CNTNAP2: variants seen among roughly 807,000 people sequenced by gnomAD.
CNTNAP2 encodes the protein contactin-associated protein-like 2.
Under a neutral mutation model 155.2 loss-of-function variants are expected in CNTNAP2, and 98 were observed. The ratio of observed to expected loss-of-function variants is 0.63; its 90% CI spans 0.54 to 0.75. CNTNAP2 has a LOEUF of 0.75. Ranked by LOEUF, CNTNAP2 falls within the 30% of genes least tolerant of loss-of-function variation. CNTNAP2 has a pLI of 0.00. For synonymous variants in CNTNAP2, 651 were observed against 631.2 expected, an observed-to-expected ratio of 1.03 and a Z score of -0.47; for missense variants, 1,727 against 1,688.1, an observed-to-expected ratio of 1.02 and a Z score of -0.40.
chr7:146,416,470 TA>T (rs1795940138), intron 1 of CNTNAP2, among the ~76,000 whole-genome samples: 1 of 152,094 alleles, frequency 6.6e-6, no homozygotes, highest in African/African-American at 2.4e-5. Context: ...TGGCACATTA[TA>T]ACCAGGAGCT....
chr7:146,220,288 T>TA lies in CNTNAP2; in HGVS notation c.97+103326dup, dbSNP rs11364418. Reference sequence around the variant, plus strand: ...TCTTGAAGTATTGGGGAATGCATGCTAAAAAAAAAAATCACTAGTTTTCAA... The same window carrying TA: ...TCTTGAAGTATTGGGGAATGCATGCTAAAAAAAAAAAATCACTAGTTTTCAA... On this transcript the variant is annotated intron_variant, in intron 1 of 23. Transcript: ENST00000361727. 9.6e-3 allele frequency among the ~76,000 whole-genome samples: 1,458 copies of TA among 151,396 alleles called. 24 individuals are homozygous for TA. Among genetic ancestry groups the TA allele is most frequent in the African/African-American group, 0.033 (1,374 of 41,288 alleles).
chr7:147,689,108 A>ATG (rs112539407), intron 13 of CNTNAP2, among the ~76,000 whole-genome samples: 2,439 of 148,476 alleles, frequency 0.016, 216 homozygotes, highest in Admixed American at 0.15. Context: ...GTATTACAGG[A>ATG]TTTTTTTTTT....
At chr7:147,610,715 ACAGGAG>A (rs1271750417) in intron 12 of CNTNAP2, among the ~76,000 whole-genome samples, 1 of 152,048 alleles carries the variant, frequency 6.6e-6, no homozygotes, top group Non-Finnish European at 1.5e-5. Flanking sequence ...ACGTCCTAAA[ACAGGAG>A]CATCTGGCAT....
intron 21 of CNTNAP2, among the ~76,000 whole-genome samples, chr7:148,346,456 T>C (rs1277999604): frequency 6.6e-6 from 1 of 152,208 alleles, no homozygotes; most frequent in Non-Finnish European, 1.5e-5. Context: ...GGTGCAGTAA[T>C]GATTGCGATT....
chr7:147,356,512 A>T (rs1796063761), intron 9 of CNTNAP2, among the ~76,000 whole-genome samples: 1 of 152,130 alleles, frequency 6.6e-6, no homozygotes, highest in African/African-American at 2.4e-5. Flanking sequence ...AGATGACATG[A>T]TTATACATTT....
intron 2 of CNTNAP2, among the ~76,000 whole-genome samples, chr7:146,780,135 C>G (rs551967276): frequency 6.6e-5 from 10 of 152,202 alleles, no homozygotes; most frequent in African/African-American, 2.4e-4. Flanking sequence ...CTCCTACCAA[C>G]AGTGTAAAAG....
intron 1 of CNTNAP2, among the ~76,000 whole-genome samples, chr7:146,353,125 A>G (rs1009502535): frequency 3.3e-5 from 5 of 152,102 alleles, no homozygotes; most frequent in Admixed American, 3.3e-4. Context: ...CTATGGTTTT[A>G]ATTTTTCTTG....
At chr7:146,408,610 C>T (rs1490967092) in intron 1 of CNTNAP2, among the ~76,000 whole-genome samples, 2 of 122,234 alleles carry the variant, frequency 1.6e-5, no homozygotes, top group Non-Finnish European at 3.3e-5. Flanking sequence ...ACATCACACA[C>T]CAGGGCCTGT....
At chr7:146,735,263 T>C (rs1478416905) in intron 1 of CNTNAP2, among the ~76,000 whole-genome samples, 3 of 152,138 alleles carry the variant, frequency 2.0e-5, no homozygotes, top group Non-Finnish European at 2.9e-5. Flanking sequence ...TTTAAAAACT[T>C]AGTTTGTGGC....
intron 1 of CNTNAP2, among the ~76,000 whole-genome samples, chr7:146,217,963 A>G (rs907747793): frequency 2.6e-5 from 4 of 152,214 alleles, no homozygotes; most frequent in African/African-American, 9.7e-5. Flanking sequence ...AGGTTTACCT[A>G]TGTAACACAC....
intron 15 of CNTNAP2, among the ~76,000 whole-genome samples, chr7:148,032,457 G>A (rs536667266): frequency 1.4e-4 from 22 of 152,266 alleles, no homozygotes; most frequent in South Asian, 2.1e-4. Context: ...AGGAGCTACC[G>A]TGCTGGAGCC....
intron 21 of CNTNAP2, among the ~76,000 whole-genome samples, chr7:148,345,100 C>A (rs1281652898): frequency 6.6e-6 from 1 of 152,206 alleles, no homozygotes; most frequent in East Asian, 1.9e-4. Flanking sequence ...TCACTCAGAA[C>A]AGCAGCAGGA....
intron 5 of CNTNAP2, among the ~76,000 whole-genome samples, chr7:147,117,299 A>C (rs1304636343): frequency 2.0e-5 from 3 of 152,082 alleles, no homozygotes; most frequent in Non-Finnish European, 4.4e-5. Context: ...ATGGGCTCAC[A>C]AGATCTCCTA....
intron 21 of CNTNAP2, among the ~76,000 whole-genome samples, chr7:148,359,086 T>C (rs1292119056): frequency 6.6e-6 from 1 of 152,252 alleles, no homozygotes; most frequent in Non-Finnish European, 1.5e-5. Context: ...TACCTGTAGA[T>C]ACACAAATAC....
At chr7:147,366,930 T>C (rs1340595705) in intron 9 of CNTNAP2, among the ~76,000 whole-genome samples, 1 of 152,160 alleles carries the variant, frequency 6.6e-6, no homozygotes, top group Admixed American at 6.5e-5. Flanking sequence ...GTTCCATATT[T>C]TCTGGAGCGG....
At chr7:146,721,040 TTC>T (rs200746067) in intron 1 of CNTNAP2, among the ~76,000 whole-genome samples, 3 of 121,644 alleles carry the variant, frequency 2.5e-5, no homozygotes, top group African/African-American at 1.0e-4. Context: ...ACTCTATATA[TTC>T]TATATATATA....
intron 1 of CNTNAP2, among the ~76,000 whole-genome samples, chr7:146,140,824 A>G (rs2116756402): frequency 6.6e-6 from 1 of 152,170 alleles, no homozygotes; most frequent in South Asian, 2.1e-4. Context: ...AATATTTTGG[A>G]AATTTACTGT....
chr7:146,672,166 G>A (rs191385884), intron 1 of CNTNAP2, among the ~76,000 whole-genome samples: 128 of 152,210 alleles, frequency 8.4e-4, no homozygotes, highest in Admixed American at 2.1e-3. Flanking sequence ...ACACCCATCA[G>A]AGATGCTCTC....
At chr7:146,385,451 T>A (rs564702758) in intron 1 of CNTNAP2, among the ~76,000 whole-genome samples, 1 of 152,192 alleles carries the variant, frequency 6.6e-6, no homozygotes, top group African/African-American at 2.4e-5. Flanking sequence ...GTGACATATA[T>A]GAATGTTTGT....
Sources: gnomAD v4.1 joint callset for allele counts (sites outside exome capture counted in the v4.1 genomes callset) on GRCh38, gnomAD v4.1.1 for gene constraint, MANE v1.5 for transcripts, NCBI Gene and HGNC (gene_info 2026-07-23, HGNC 2026-07-21) for gene names.